Variants in FAT1 observed in about 807,000 individuals in gnomAD.
FAT1 encodes FAT atypical cadherin 1.
In FAT1, 171 loss-of-function variants were observed where a neutral mutation model predicts 329.8. The observed-to-expected ratio is 0.52, with a 90% confidence interval of 0.46 to 0.59. The LOEUF (loss-of-function observed/expected upper bound fraction) is 0.59. FAT1 is among the 20% of genes least tolerant of loss of function. FAT1 has a pLI of 0.00. For synonymous variants in FAT1, 2,233 were observed against 2,228.6 expected (o/e 1.00, Z -0.06); for missense variants, 5,672 against 5,774.4 (o/e 0.98, Z 0.57).
intron 2 of FAT1, among the ~76,000 whole-genome samples, chr4:186,671,041 C>A (rs774785375): frequency 2.3e-4 from 35 of 152,090 alleles, no homozygotes; most frequent in Non-Finnish European, 4.6e-4. Context: ...ACTTTCTGCT[C>A]CATTTTTCTG....
chr4:186,656,717 A>G (rs1449369247), intron 3 of FAT1, among the ~76,000 whole-genome samples: 1 of 152,180 alleles, frequency 6.6e-6, no homozygotes, highest in Admixed American at 6.5e-5. Context: ...GTGCATACAT[A>G]TCTGTATTTC....
Position 186,655,944 on chromosome 4 carries a change from C to T in FAT1, c.3580+7355G>A, listed in dbSNP as rs150972128. ...GGTGAGGCAACAGATCAGGTACGAC[C>T]GCCAGTACCTGAAAGTACCTGCAAA... On this transcript the variant is annotated intron_variant, in intron 3 of 26. Transcript: ENST00000441802. 1.9e-3 allele frequency among the ~76,000 whole-genome samples: 283 copies of T among 152,324 alleles called. 2 individuals carry two copies. The highest frequency in any genetic ancestry group is 2.3e-3 in the Non-Finnish European group (157 of 68,036).
rs573018368 is a variant in FAT1 at position 186,718,582 on chromosome 4, G to A, written c.-19+5082C>T. Among the ~76,000 whole-genome samples the A allele has an allele frequency of 3.5e-3, 530 of 152,188 alleles. 4 individuals carry two copies. The highest frequency in any genetic ancestry group is 0.012 in the African/African-American group (499 of 41,518). The stretch of plus-strand genomic sequence containing the variant: ...CTCAGGAGGCTGAAGCAGGAGAATC[G>A]CTTGAACCCGGGAGGCGGAGCTTGC... On this transcript the variant is annotated intron_variant, in intron 1 of 26. Transcript: ENST00000441802.
chr4:186,703,726 C>T (rs950135729), intron 2 of FAT1, among the ~76,000 whole-genome samples: 3 of 152,334 alleles, frequency 2.0e-5, no homozygotes, highest in Middle Eastern at 6.8e-3. Flanking sequence ...TGGCCTGGGC[C>T]GGGTGCACGC....
At chr4:186,684,922 C>T (rs1362466792) in intron 2 of FAT1, among the ~76,000 whole-genome samples, 1 of 152,128 alleles carries the variant, frequency 6.6e-6, no homozygotes, top group African/African-American at 2.4e-5. Context: ...TATGCCACAA[C>T]CAAGTCATGA....
chr4:186,629,179 A>G (rs1429824061), intron 7 of FAT1, among the ~76,000 whole-genome samples: 1 of 152,238 alleles, frequency 6.6e-6, no homozygotes, highest in Non-Finnish European at 1.5e-5. Flanking sequence ...CCACTGAGGT[A>G]AGACAGATGA....
intron 26 of FAT1, among the ~76,000 whole-genome samples, chr4:186,594,384 C>T (rs943716010): frequency 6.6e-6 from 1 of 151,864 alleles, no homozygotes; most frequent in Non-Finnish European, 1.5e-5. Flanking sequence ...ATTAAGAAGA[C>T]TGATGTTCCA....
At chr4:186,603,070 T>A (rs1338473323) in intron 19 of FAT1, 36 bp from the exon 20 acceptor site, 1 of 1,613,098 alleles carries the variant, frequency 6.2e-7, no homozygotes, top group Admixed American at 1.7e-5. Context: ...AAAAGATAAT[T>A]AACAGACATT....
At position 186,618,235 on chromosome 4, in the gene FAT1, T is replaced by C. The variant is rs1739818887; in HGVS notation, c.8351A>G (p.Gln2784Arg). Residue 2784 changes from glutamine to arginine, a missense_variant, in exon 10 of 27, where the codon CAA becomes CGA. Around this residue, in one of 2 missense-constraint regions of FAT1, gnomAD observed 3,966 missense variants for 3,915.2 expected, o/e 1.01. Coordinates refer to ENST00000441802, the MANE Select transcript of FAT1 (RefSeq NM_005245.4). ...YQFSILARCT[Q>R]DDHEMVASVD... ...AGAAGCCACCATCTCATGGTCATCT[T>C]GAGTGCACCTGGCCAGTATGGAAAA... 6 of 1,614,062 alleles carry C rather than the reference T, an allele frequency of 3.7e-6. No homozygotes were observed. The highest frequency in any genetic ancestry group is 4.2e-6 in the Non-Finnish European group (5 of 1,179,910).
Position 186,708,438 on chromosome 4 carries a change from T to A in FAT1, c.1390A>T (p.Thr464Ser). 1.2e-6 allele frequency: 2 copies of A among 1,614,030 alleles called. No homozygotes were observed. Among genetic ancestry groups the A allele is most frequent in the Non-Finnish European group, 1.7e-6 (2 of 1,179,898 alleles). The change falls in exon 2 of 27, where the codon ACC becomes TCC. Residue 464 changes from threonine (T) to serine (S), a missense_variant. Around this residue, in one of 2 missense-constraint regions of FAT1, gnomAD observed 3,966 missense variants for 3,915.2 expected, o/e 1.01. Transcript: ENST00000441802. ...AAAGCAGCTTTGTACGCTGTCTGGG[T>A]AAATTCAGGGGGATTGCTATTTGCA... The part of the protein sequence containing the change: ...LGANSNPPEF[T>S]QTAYKAAFDE...
At chr4:186,702,514 G>A (rs930334880) in intron 2 of FAT1, among the ~76,000 whole-genome samples, 3 of 152,130 alleles carry the variant, frequency 2.0e-5, no homozygotes, top group African/African-American at 7.2e-5. Flanking sequence ...CGTCCTGTAC[G>A]CAATACACAC....
intron 2 of FAT1, among the ~76,000 whole-genome samples, chr4:186,666,150 C>T (rs1742429239): frequency 6.6e-6 from 1 of 150,430 alleles, no homozygotes; most frequent in Admixed American, 6.7e-5. Context: ...CAAACCTGCA[C>T]ATTGTGCACA....
chr4:186,701,754 C>T (rs1299334858), intron 2 of FAT1, among the ~76,000 whole-genome samples: 1 of 152,212 alleles, frequency 6.6e-6, no homozygotes, highest in African/African-American at 2.4e-5. Context: ...AAATATCCTA[C>T]TTTATATGAG....
intron 2 of FAT1, among the ~76,000 whole-genome samples, chr4:186,693,611 C>T (rs1743895959): frequency 9.4e-6 from 1 of 105,998 alleles, no homozygotes; most frequent in Non-Finnish European, 1.9e-5. Context: ...AAACATGAGT[C>T]AGCCCGTGGA....
intron 2 of FAT1, among the ~76,000 whole-genome samples, chr4:186,701,682 C>T (rs566988682): frequency 2.3e-4 from 35 of 152,358 alleles, no homozygotes; most frequent in South Asian, 6.2e-4. Flanking sequence ...CAGCCTCCTC[C>T]ACATTCCTTC....
rs375610419 is a variant in FAT1, at chr4:186,604,454, C to T, written c.10471G>A (p.Val3491Ile). Residue 3491 changes from valine to isoleucine, a missense_variant, in exon 18 of 27, where the codon GTT (valine) becomes ATT (isoleucine). Val to Ile is a conservative substitution (Grantham distance 29, BLOSUM62 3). Transcript: ENST00000441802. ...VTGNDEKAFE[V>I]NPQGVLLTSS... is the part of the protein sequence containing the mutation. The stretch of plus-strand genomic sequence containing the variant: ...GTCAGGAGGACTCCTTGCGGGTTAA[C>T]TTCAAAAGCCTTCTCATCATTTCCA... The T allele has an allele frequency of 6.2e-6, 10 of 1,613,842 alleles. No individual in the cohort carries two copies. The highest frequency in any genetic ancestry group is 1.7e-5 in the Admixed American group (1 of 59,994).
At chr4:186,690,968 C>A (rs1346009693) in intron 2 of FAT1, among the ~76,000 whole-genome samples, 1 of 152,040 alleles carries the variant, frequency 6.6e-6, no homozygotes, top group African/African-American at 2.4e-5. Context: ...CTGTTATATT[C>A]TTTTTTATTG....
At chr4:186,612,190 T>C (rs1419186931) in intron 13 of FAT1, among the ~76,000 whole-genome samples, 1 of 103,524 alleles carries the variant, frequency 9.7e-6, no homozygotes, top group African/African-American at 3.8e-5. Context: ...CGCAAATTTG[T>C]ATGACTATGA....
chr4:186,609,652 T>G, intron 15 of FAT1, 149 bp downstream of exon 15: 1 of 637,784 alleles, frequency 1.6e-6, no homozygotes, highest in Non-Finnish European at 2.8e-6. Flanking sequence ...CATAACAAAG[T>G]CAGCAATCAG....
Sources: gnomAD v4.1 joint callset for allele counts (sites outside exome capture counted in the v4.1 genomes callset) on GRCh38, gnomAD v4.1.1 for gene constraint, gnomAD v4.1.1 regional missense constraint, MANE v1.5 for transcripts, NCBI Gene and HGNC (gene_info 2026-07-23, HGNC 2026-07-21) for gene names.